The following EXOC6B variants were observed in gnomAD, a reference collection of about 807,000 sequenced individuals.
EXOC6B encodes the protein exocyst complex component 6B, also known as SEC15 homolog B.
In EXOC6B, 54 loss-of-function variants were observed where a neutral mutation model predicts 113.5. The ratio of observed to expected loss-of-function variants is 0.48; its 90% confidence interval spans 0.38 to 0.60. EXOC6B has a LOEUF of 0.60. Among genes scored for constraint, EXOC6B ranks in the 20% least tolerant of loss-of-function variants. EXOC6B has a pLI of 0.00. For missense variants in EXOC6B, 797 were observed against 977.5 expected (o/e 0.82, Z 2.46); for synonymous variants, 357 against 339.0 (o/e 1.05, Z -0.58).
chr2:72,793,137 A>C (rs1478183257), intron 1 of EXOC6B, among the ~76,000 whole-genome samples: 2 of 152,140 alleles, frequency 1.3e-5, no homozygotes, highest in South Asian at 4.1e-4. Flanking sequence ...TACTGTGTAC[A>C]TTTGTGCTGT....
chr2:72,331,519 C>A (rs529655169), intron 20 of EXOC6B, among the ~76,000 whole-genome samples: 7 of 152,016 alleles, frequency 4.6e-5, no homozygotes, highest in Non-Finnish European at 1.0e-4. Context: ...ATTAAATGAG[C>A]CTTTAAGCTA....
intron 6 of EXOC6B, among the ~76,000 whole-genome samples, chr2:72,681,590 T>C (rs76952352): frequency 0.038 from 5,721 of 152,236 alleles, 331 homozygotes; most frequent in African/African-American, 0.13. Flanking sequence ...AGTATGTGTG[T>C]ACACATAGGA....
At chr2:72,498,604 C>CG in intron 12 of EXOC6B, 53 bp from the exon 13 acceptor site, 2 of 1,092,778 alleles carry the variant, frequency 1.8e-6, no homozygotes, top group East Asian at 3.0e-5. Context: ...GTTTTTTTTT[C>CG]GGTTTTTTTT....
chr2:72,303,793 T>C (rs1158586832), intron 20 of EXOC6B, among the ~76,000 whole-genome samples: 2 of 152,076 alleles, frequency 1.3e-5, no homozygotes, highest in Non-Finnish European at 2.9e-5. Context: ...CTTGAATTGG[T>C]TCTTTTTCAC....
chr2:72,561,392 T>G (rs1703876926), intron 7 of EXOC6B, among the ~76,000 whole-genome samples: 2 of 152,172 alleles, frequency 1.3e-5, no homozygotes, highest in South Asian at 2.1e-4. Flanking sequence ...TGTTACATAT[T>G]TACAAAAAGT....
chr2:72,240,410 T>C (rs1030847708), intron 20 of EXOC6B, among the ~76,000 whole-genome samples: 2 of 152,144 alleles, frequency 1.3e-5, no homozygotes, highest in African/African-American at 4.8e-5. Context: ...AGAAAACCAT[T>C]CTAATTTAAT....
At chr2:72,186,156 T>C (rs575692327) in intron 20 of EXOC6B, among the ~76,000 whole-genome samples, 2 of 152,340 alleles carry the variant, frequency 1.3e-5, no homozygotes, top group African/African-American at 2.4e-5. Flanking sequence ...TGTTGGACAT[T>C]TGGGTTGGTT....
chr2:72,805,916 C>G (rs1338102352), intron 1 of EXOC6B, among the ~76,000 whole-genome samples: 1 of 152,182 alleles, frequency 6.6e-6, no homozygotes, highest in Non-Finnish European at 1.5e-5. Flanking sequence ...TTTCACTTAG[C>G]ATAATTCCTT....
At chr2:72,536,784 T>C (rs748362200) in intron 8 of EXOC6B, among the ~76,000 whole-genome samples, 3 of 152,116 alleles carry the variant, frequency 2.0e-5, no homozygotes, top group Non-Finnish European at 4.4e-5. Context: ...CACAGCAACT[T>C]TGGATGAATC....
intron 20 of EXOC6B, among the ~76,000 whole-genome samples, chr2:72,233,686 T>C (rs1681775552): frequency 6.6e-6 from 1 of 152,162 alleles, no homozygotes; most frequent in Admixed American, 6.5e-5. Flanking sequence ...GAAGACACAG[T>C]TGTGGCACCT....
At chr2:72,503,278 T>G (rs373314646) in intron 11 of EXOC6B, among the ~76,000 whole-genome samples, 1 of 152,190 alleles carries the variant, frequency 6.6e-6, no homozygotes, top group Non-Finnish European at 1.5e-5. Flanking sequence ...TAAATTGATA[T>G]GTTCCACCAT....
At chr2:72,397,617 C>CAAAAAA (rs1229846045) in intron 18 of EXOC6B, among the ~76,000 whole-genome samples, 1 of 93,410 alleles carries the variant, frequency 1.1e-5, no homozygotes, top group Non-Finnish European at 1.9e-5. Context: ...AACCTCATCT[C>CAAAAAA]AAAAAAAAAA....
chr2:72,261,623 T>C (rs1180748256), intron 20 of EXOC6B, among the ~76,000 whole-genome samples: 1 of 152,156 alleles, frequency 6.6e-6, no homozygotes, highest in Non-Finnish European at 1.5e-5. Flanking sequence ...TGTCAAGTTT[T>C]TTCTCTTATA....
At chr2:72,611,425 C>T (rs1671068600) in intron 6 of EXOC6B, among the ~76,000 whole-genome samples, 1 of 151,012 alleles carries the variant, frequency 6.6e-6, no homozygotes. Context: ...CCATTACAGA[C>T]CTAAAGAGAC....
intron 20 of EXOC6B, among the ~76,000 whole-genome samples, chr2:72,189,287 A>G (rs1379098816): frequency 6.6e-6 from 1 of 151,816 alleles, no homozygotes; most frequent in Non-Finnish European, 1.5e-5. Context: ...CCCTGCCTCC[A>G]TTTTTTCCCA....
At chr2:72,231,372 G>A (rs886784288) in intron 20 of EXOC6B, among the ~76,000 whole-genome samples, 7 of 152,014 alleles carry the variant, frequency 4.6e-5, no homozygotes, top group South Asian at 4.2e-4. Flanking sequence ...TTTTAAAATG[G>A]AACAGTAAAG....
chr2:72,308,040 G>A (rs1168317568), intron 20 of EXOC6B, among the ~76,000 whole-genome samples: 1 of 152,144 alleles, frequency 6.6e-6, no homozygotes, highest in African/African-American at 2.4e-5. Flanking sequence ...TAGAATTTCT[G>A]AGTTAAAGCA....
At chr2:72,680,982 A>C (rs1048728826) in intron 6 of EXOC6B, among the ~76,000 whole-genome samples, 1 of 152,146 alleles carries the variant, frequency 6.6e-6, no homozygotes, top group Non-Finnish European at 1.5e-5. Context: ...CCTTTAACCT[A>C]TCCTCTGAAT....
intron 8 of EXOC6B, among the ~76,000 whole-genome samples, chr2:72,519,813 T>C (rs1039938085): frequency 2.6e-5 from 4 of 152,194 alleles, no homozygotes; most frequent in Non-Finnish European, 5.9e-5. Flanking sequence ...TTTGCGTCTA[T>C]AGCTTAAGAG....
Sources: allele counts gnomAD v4.1 joint callset (sites outside exome capture counted in the v4.1 genomes callset), GRCh38; gene constraint gnomAD v4.1.1; transcripts MANE v1.5; gene names NCBI Gene and HGNC (gene_info 2026-07-23, HGNC 2026-07-21).